PCDH15: variants seen among roughly 807,000 people sequenced by gnomAD.
PCDH15 encodes protocadherin-15.
PCDH15 carries 129 observed loss-of-function variants against 178.5 expected under a neutral mutation model. The observed-to-expected ratio is 0.72, with a 90% confidence interval of 0.63 to 0.84. The LOEUF is 0.84. PCDH15 is among the 40% of genes least tolerant of loss of function. The pLI, the probability that PCDH15 is intolerant of heterozygous loss-of-function variation, is 0.00. For missense variants in PCDH15, 2,230 were observed against 2,099.9 expected (o/e 1.06, Z -1.21); for synonymous variants, 800 against 732.0 (o/e 1.09, Z -1.50).
intron 2 of PCDH15, among the ~76,000 whole-genome samples, chr10:55,041,447 T>C: frequency 6.6e-6 from 1 of 152,152 alleles, no homozygotes; most frequent in East Asian, 1.9e-4. Context: ...GAAATTGCAT[T>C]GGTTAAGTGT....
chr10:55,620,690 A>G (rs1589192399), intron 2 of PCDH15, among the ~76,000 whole-genome samples: 1 of 151,872 alleles, frequency 6.6e-6, no homozygotes, highest in East Asian at 1.9e-4. Context: ...TAAGACAATT[A>G]AAAATATGAA....
intron 3 of PCDH15, among the ~76,000 whole-genome samples, chr10:54,882,507 A>G (rs1356468210): frequency 6.6e-6 from 1 of 152,096 alleles, no homozygotes; most frequent in African/African-American, 2.4e-5. Flanking sequence ...AGGACAATGA[A>G]TAAAAGTAAA....
chr10:55,292,962 T>C (rs1407156260), intron 1 of PCDH15, among the ~76,000 whole-genome samples: 2 of 152,290 alleles, frequency 1.3e-5, no homozygotes, highest in African/African-American at 4.8e-5. Context: ...CAGTAGGGAC[T>C]CTGTGTGGGG....
intron 3 of PCDH15, among the ~76,000 whole-genome samples, chr10:54,413,230 T>TG (rs1953819846): frequency 1.3e-5 from 2 of 152,192 alleles, no homozygotes; most frequent in Non-Finnish European, 2.9e-5. Flanking sequence ...CGAAGGGCCT[T>TG]CCAATTTAAT....
At chr10:54,979,452 T>C (rs1839162191) in intron 2 of PCDH15, among the ~76,000 whole-genome samples, 1 of 152,042 alleles carries the variant, frequency 6.6e-6, no homozygotes, top group African/African-American at 2.4e-5. Context: ...GCAAATCACC[T>C]GACGTCAGGA....
chr10:54,930,588 C>T (rs941232035), intron 2 of PCDH15, among the ~76,000 whole-genome samples: 1 of 152,142 alleles, frequency 6.6e-6, no homozygotes, highest in African/African-American at 2.4e-5. Context: ...CTAGCTTGGT[C>T]AAGGTAACCT....
intron 3 of PCDH15, among the ~76,000 whole-genome samples, chr10:54,507,270 A>G (rs780361874): frequency 6.6e-6 from 1 of 151,584 alleles, no homozygotes; most frequent in Non-Finnish European, 1.5e-5. Context: ...TTTCATTTAA[A>G]TAATAATAAT....
chr10:55,109,722 T>G (rs1837449325), intron 2 of PCDH15, among the ~76,000 whole-genome samples: 1 of 152,110 alleles, frequency 6.6e-6, no homozygotes, highest in African/African-American at 2.4e-5. Context: ...ATGTTGAAGT[T>G]ACTCCTATTT....
chr10:53,819,606 G>A lies in PCDH15; in HGVS notation c.4433+559C>T, dbSNP rs150745803. On this transcript the variant is annotated intron_variant, in intron 33 of 37. Coordinates refer to ENST00000644397, the MANE Select transcript of PCDH15 (RefSeq NM_001384140.1). Reference sequence around the variant, plus strand: ...TTTACTTTTAACAATAAGGACAAATGTTTGGTCATCTTTCTTAAGTCTTTA... The same window carrying A: ...TTTACTTTTAACAATAAGGACAAATATTTGGTCATCTTTCTTAAGTCTTTA... Among the ~76,000 whole-genome samples the A allele has an allele frequency of 1.2e-4, 18 of 151,974 alleles. No homozygotes were observed. The East Asian group carries it at 2.9e-3, about 24-fold the overall frequency.
intron 2 of PCDH15, among the ~76,000 whole-genome samples, chr10:55,146,882 G>A (rs1017565366): frequency 1.3e-4 from 19 of 151,502 alleles, no homozygotes; most frequent in African/African-American, 3.9e-4. Flanking sequence ...AATTATATGA[G>A]CTGAATGTTA....
chr10:55,060,933 A>T (rs1322484845), intron 2 of PCDH15, among the ~76,000 whole-genome samples: 1 of 152,104 alleles, frequency 6.6e-6, no homozygotes, highest in Non-Finnish European at 1.5e-5. Context: ...CAAAATAAAA[A>T]TTAATCACAG....
intron 1 of PCDH15, among the ~76,000 whole-genome samples, chr10:54,697,613 G>C (rs1448889740): frequency 8.6e-6 from 1 of 115,654 alleles, no homozygotes; most frequent in East Asian, 2.6e-4. Context: ...TATGGTCAGA[G>C]AGAGAGAGAG....
At chr10:55,240,247 A>C (rs1254315775) in intron 1 of PCDH15, among the ~76,000 whole-genome samples, 1 of 152,218 alleles carries the variant, frequency 6.6e-6, no homozygotes, top group African/African-American at 2.4e-5. Flanking sequence ...TTCTTCATTT[A>C]GTCAATATTA....
chr10:55,398,707 C>T (rs2132022249), intron 2 of PCDH15, among the ~76,000 whole-genome samples: 1 of 152,242 alleles, frequency 6.6e-6, no homozygotes, highest in East Asian at 1.9e-4. Flanking sequence ...ATATGCTTGG[C>T]TCACTTAATT....
At chr10:54,107,079 G>T (rs1032023211) in intron 15 of PCDH15, among the ~76,000 whole-genome samples, 1 of 151,886 alleles carries the variant, frequency 6.6e-6, no homozygotes, top group South Asian at 2.1e-4. Context: ...GTAACCAAAT[G>T]TTTATACATG....
intron 2 of PCDH15, among the ~76,000 whole-genome samples, chr10:55,500,629 G>T (rs565789680): frequency 1.3e-5 from 2 of 151,714 alleles, no homozygotes; most frequent in Non-Finnish European, 2.9e-5. Flanking sequence ...CTGGTCTATT[G>T]ATCTCACATA....
In PCDH15 at chr10:54,195,847, G is replaced by T; in HGVS notation, c.1141C>A (p.Leu381Ile). 6.2e-7 allele frequency: 1 copy of T among 1,613,992 alleles called. No individual in the cohort carries two copies. The highest frequency in any genetic ancestry group is 1.1e-5 in the South Asian group (1 of 91,072). Residue 381 changes from leucine (L) to isoleucine (I), a missense_variant, in exon 11 of 38, where the codon CTA (leucine) becomes ATA (isoleucine). Physicochemically the swap from Leu to Ile is conservative, Grantham distance 5. Coordinates refer to ENST00000644397, the MANE Select transcript of PCDH15 (RefSeq NM_001384140.1). ...TTTTCATCCAGTATTTCAATGTGTAGACCGGCAAAGGCAGGAAGAGGATGA... is the reference window on the plus strand; with the variant it reads ...TTTTCATCCAGTATTTCAATGTGTATACCGGCAAAGGCAGGAAGAGGATGA... The part of the protein sequence containing the change: ...NGHPLPAFAG[L>I]HIEILDENNQ...
At chr10:53,889,305 T>C (rs11003914) in intron 26 of PCDH15, among the ~76,000 whole-genome samples, 13,326 of 151,970 alleles carry the variant, frequency 0.088, 1,674 homozygotes, top group African/African-American at 0.28. Context: ...AATACATATA[T>C]TGAATAAAGA....
At chr10:54,645,932 G>C (rs1382373148) in intron 2 of PCDH15, among the ~76,000 whole-genome samples, 2 of 152,020 alleles carry the variant, frequency 1.3e-5, no homozygotes, top group African/African-American at 2.4e-5. Context: ...ATTATGGATA[G>C]AGATCAGAGC....
Sources: allele counts gnomAD v4.1 joint callset (sites outside exome capture counted in the v4.1 genomes callset), GRCh38; gene constraint gnomAD v4.1.1; transcripts MANE v1.5; gene names NCBI Gene and HGNC (gene_info 2026-07-23, HGNC 2026-07-21).